The following VAV2 variants were observed in gnomAD, a reference collection of about 807,000 sequenced individuals.
The protein encoded by VAV2 is guanine nucleotide exchange factor VAV2.
In VAV2, 67 loss-of-function variants were observed where a neutral mutation model predicts 132.5. That is an observed-to-expected ratio of 0.51 (90% CI 0.42 to 0.62). The LOEUF (loss-of-function observed/expected upper bound fraction) is 0.62, where lower values mean the gene tolerates loss of function less well. VAV2 is among the 20% of genes least tolerant of loss of function. The pLI, the probability that VAV2 is intolerant of heterozygous loss-of-function variation, is 0.00. For synonymous variants in VAV2, 492 were observed against 443.5 expected (o/e 1.11, Z -1.37); for missense variants, 938 against 1,153.6 (o/e 0.81, Z 2.71).
chr9:133,963,300 G>A (rs1329440795), intron 1 of VAV2, among the ~76,000 whole-genome samples: 5 of 152,244 alleles, frequency 3.3e-5, no homozygotes, highest in Middle Eastern at 3.4e-3. Context: ...TTACTAGCAC[G>A]GTCAGGAAGA....
In VAV2 at chr9:133,828,355, A is replaced by G. The variant is rs1295408706; in HGVS notation, c.449+5917T>C. On this transcript the variant is annotated intron_variant, in intron 4 of 29. Coordinates refer to ENST00000371850, the MANE Select transcript of VAV2 (RefSeq NM_001134398.2). ...CGCCCACTGGGGCTGACCACTGAGCACGGGCATCACCACCTACCGCTGCGC... is the reference window on the plus strand; with the variant it reads ...CGCCCACTGGGGCTGACCACTGAGCGCGGGCATCACCACCTACCGCTGCGC... 5.1e-3 allele frequency among the ~76,000 whole-genome samples: 36 copies of G among 7,032 alleles called. 1 individual carries two copies. Among genetic ancestry groups the G allele is most frequent in the African/African-American group, 7.2e-3 (15 of 2,094 alleles). 4.6% of individuals were successfully genotyped at this position (7,032 alleles called of 152,430 possible).
Position 133,834,405 on chromosome 9 carries a change from C to A in VAV2, c.381-65G>T. The A allele has an allele frequency of 1.3e-6, 2 of 1,542,724 alleles. No individual in the cohort carries two copies. The highest frequency in any genetic ancestry group is 1.8e-5 in the Admixed American group (1 of 54,600). Reference sequence around the variant, plus strand: ...GCACTGCCGGCCAGTGGGACCCCAGCTGGACCCCACAGCAGAGCCCAGTGT... The same window carrying A: ...GCACTGCCGGCCAGTGGGACCCCAGATGGACCCCACAGCAGAGCCCAGTGT... On this transcript the variant is annotated intron_variant, in intron 3 of 29. Coordinates refer to ENST00000371850, the MANE Select transcript of VAV2 (RefSeq NM_001134398.2). This position sits in a 1 kb window ranked among gnomAD's most constrained non-coding sequence, Gnocchi z 5.9.
Position 133,938,145 on chromosome 9 carries a change from G to C in VAV2, c.321+958C>G, listed in dbSNP as rs547051509. On this transcript the variant is annotated intron_variant, in intron 2 of 29. Transcript: ENST00000371850. ...CCTTAGATACCAAGTCCCTGATAAT[G>C]ATGCTCAAATAAACCAGGCAGTAAA... Among the ~76,000 whole-genome samples the C allele has an allele frequency of 3.3e-5, 5 of 152,280 alleles. No homozygotes were observed. The South Asian group carries it at 1.0e-3, about 32-fold the overall frequency.
Position 133,952,212 on chromosome 9 carries a change from G to A in VAV2, c.205-12993C>T, listed in dbSNP as rs114388920. Among the ~76,000 whole-genome samples, 397 of 152,274 alleles carry A rather than the reference G, an allele frequency of 2.6e-3. 1 individual carries two copies. Among genetic ancestry groups the A allele is most frequent in the African/African-American group, 9.1e-3 (377 of 41,550 alleles). On this transcript the variant is annotated intron_variant, in intron 1 of 29. Transcript: ENST00000371850. ...TCCATAACAGCAAGTGTAATGGGTTGAATGGGTGGGCCCCAAGGAGACAGG... is the reference window on the plus strand; with the variant it reads ...TCCATAACAGCAAGTGTAATGGGTTAAATGGGTGGGCCCCAAGGAGACAGG...
At chr9:133,776,832 G>T (rs1472335774) in intron 23 of VAV2, among the ~76,000 whole-genome samples, 1 of 152,184 alleles carries the variant, frequency 6.6e-6, no homozygotes, top group Non-Finnish European at 1.5e-5. Context: ...ACCTTCAGAG[G>T]TTCCACGCTC....
intron 9 of VAV2, among the ~76,000 whole-genome samples, chr9:133,798,379 G>A (rs1261114723): frequency 5.3e-5 from 8 of 152,168 alleles, no homozygotes; most frequent in South Asian, 2.1e-4. Flanking sequence ...GGTGGCCCCC[G>A]GACCTGGGAG....
At position 133,824,063 on chromosome 9, in the gene VAV2, A is replaced by G. The variant is rs1177299014; in HGVS notation, c.449+10209T>C. On this transcript the variant is annotated intron_variant, in intron 4 of 29. Transcript: ENST00000371850. The surrounding 1 kb of genome is among the most constrained non-coding windows in gnomAD (Gnocchi z 5.2). ...GGGCCTCTGGAGACAGCTGGGGCCC[A>G]CTGTGGTGCCAGAGTACCAAGGGGC... 6.6e-6 allele frequency among the ~76,000 whole-genome samples: 1 copy of G among 152,102 alleles called. No individual in the cohort carries two copies. Among genetic ancestry groups the G allele is most frequent in the East Asian group, 1.9e-4 (1 of 5,186 alleles).
chr9:133,927,330 G>A (rs906643527), intron 2 of VAV2, among the ~76,000 whole-genome samples: 12 of 152,120 alleles, frequency 7.9e-5, no homozygotes, highest in Admixed American at 2.0e-4. Context: ...ACTACCAATC[G>A]ATCAGGATTA....
chr9:133,895,308 G>A (rs1839154839), intron 2 of VAV2, among the ~76,000 whole-genome samples: 1 of 152,126 alleles, frequency 6.6e-6, no homozygotes, highest in African/African-American at 2.4e-5. Context: ...CTGGGGTCGG[G>A]GAGGCAGGAG....
rs916814681 is a variant in VAV2 at position 133,969,552 on chromosome 9, G to A, written c.204+22523C>T. The stretch of plus-strand genomic sequence containing the variant: ...GAAACACCCCAACCCTGACCAGAGC[G>A]GATTCCAGGAAGGCTGCTGGGAGAA... On this transcript the variant is annotated intron_variant, in intron 1 of 29. Coordinates refer to ENST00000371850, the MANE Select transcript of VAV2 (RefSeq NM_001134398.2). The surrounding 1 kb of genome is among the most constrained non-coding windows in gnomAD (Gnocchi z 5.1). Among the ~76,000 whole-genome samples the A allele has an allele frequency of 1.9e-4, 29 of 151,892 alleles. No homozygotes were observed. The highest frequency in any genetic ancestry group is 1.7e-4 in the African/African-American group (7 of 41,330).
intron 3 of VAV2, among the ~76,000 whole-genome samples, chr9:133,853,096 G>T (rs139413366): frequency 6.6e-6 from 1 of 152,234 alleles, no homozygotes; most frequent in Non-Finnish European, 1.5e-5. Flanking sequence ...CCACTCGGCT[G>T]TCAGGTAAAA....
intron 1 of VAV2, among the ~76,000 whole-genome samples, chr9:133,978,139 AGGCAGGGCTG>A (rs577055218): frequency 2.6e-4 from 40 of 152,390 alleles, no homozygotes; most frequent in African/African-American, 8.2e-4. Flanking sequence ...AGGCCAGGAC[AGGCAGGGCTG>A]GGCAGGGCTG....
intron 7 of VAV2, among the ~76,000 whole-genome samples, 165 bp from the exon 8 acceptor site, chr9:133,807,491 AG>A (rs1305932789): frequency 6.6e-6 from 1 of 152,124 alleles, no homozygotes; most frequent in African/African-American, 2.4e-5. Flanking sequence ...CATTCTTTGG[AG>A]GTGAGTGCAG....
chr9:133,773,595 G>A (rs1564331456), intron 25 of VAV2, among the ~76,000 whole-genome samples: 1 of 136,726 alleles, frequency 7.3e-6, no homozygotes, highest in Non-Finnish European at 1.7e-5. Context: ...TTACACAGCT[G>A]TACAAAGATA....
intron 3 of VAV2, among the ~76,000 whole-genome samples, chr9:133,846,982 G>A (rs1321327837): frequency 6.6e-6 from 1 of 152,236 alleles, no homozygotes; most frequent in Non-Finnish European, 1.5e-5. Context: ...AGAGAACTGG[G>A]CTTTGACCCT....
At chr9:133,770,309 G>A (rs1167903374) in intron 27 of VAV2, 69 bp downstream of exon 27, 5 of 1,603,632 alleles carry the variant, frequency 3.1e-6, no homozygotes, top group Non-Finnish European at 4.3e-6. Context: ...CAGGATCTGA[G>A]CCCTGGGAAG....
At chr9:133,921,897 C>T (rs1308633627) in intron 2 of VAV2, among the ~76,000 whole-genome samples, 1 of 152,226 alleles carries the variant, frequency 6.6e-6, no homozygotes, top group Admixed American at 6.5e-5. Flanking sequence ...TGGTTCTGAT[C>T]GTGATGGGAC....
intron 2 of VAV2, among the ~76,000 whole-genome samples, chr9:133,914,059 C>T (rs191038637): frequency 3.0e-3 from 464 of 152,358 alleles, no homozygotes; most frequent in African/African-American, 0.01. Context: ...AAAGACGATG[C>T]TCACCGCAAA....
In VAV2 at chr9:133,961,605, G is replaced by A. The variant is rs1369132316; in HGVS notation, c.205-22386C>T. 6.6e-6 allele frequency among the ~76,000 whole-genome samples: 1 copy of A among 152,196 alleles called. No homozygotes were observed. Among genetic ancestry groups the A allele is most frequent in the Non-Finnish European group, 1.5e-5 (1 of 68,040 alleles). ...CCTCTGACCTCACAAAGACCCACGG[G>A]GCTGGTTTGGGAGGCCCAGCCCAGG... On this transcript the variant is annotated intron_variant, in intron 1 of 29. Transcript: ENST00000371850. The surrounding 1 kb of genome is among the most constrained non-coding windows in gnomAD (Gnocchi z 4.1).
Sources: gnomAD v4.1 joint callset for allele counts (sites outside exome capture counted in the v4.1 genomes callset) on GRCh38, gnomAD v4.1.1 for gene constraint, Gnocchi (gnomAD v3.1) non-coding constraint, MANE v1.5 for transcripts, NCBI Gene and HGNC (gene_info 2026-07-23, HGNC 2026-07-21) for gene names.